FAM53A: variants seen among roughly 807,000 people sequenced by gnomAD.
FAM53A encodes protein FAM53A.
FAM53A carries 28 observed loss-of-function variants against 26.6 expected under a neutral mutation model. The ratio of observed to expected loss-of-function variants is 1.05; its 90% CI spans 0.78 to 1.45. The LOEUF is 1.45. FAM53A is among the 40% of genes most tolerant of loss of function. FAM53A has a pLI of 0.00. For synonymous variants in FAM53A, 290 were observed against 253.1 expected, an observed-to-expected ratio of 1.15 and a Z score of -1.38; for missense variants, 650 against 575.8, an observed-to-expected ratio of 1.13 and a Z score of -1.32.
intron 1 of FAM53A, among the ~76,000 whole-genome samples, chr4:1,627,223 CAGG>C (rs986757839): frequency 2.6e-5 from 4 of 152,200 alleles, no homozygotes; most frequent in African/African-American, 7.2e-5. Context: ...CCCAGCCCAG[CAGG>C]AGAAGGGAAC....
chr4:1,673,585 T>C (rs556958164), intron 1 of FAM53A, among the ~76,000 whole-genome samples: 102 of 152,058 alleles, frequency 6.7e-4, no homozygotes, highest in African/African-American at 2.4e-3. Flanking sequence ...ATATAAAAAT[T>C]AGCTGGGTGT....
At chr4:1,589,911 T>C in the FAM53A span, among the ~76,000 whole-genome samples, 2 of 152,244 alleles carry the variant, frequency 1.3e-5, no homozygotes, top group Non-Finnish European at 2.9e-5. Flanking sequence ...TTCTGCTTTT[T>C]CTTTATTTAC....
downstream of FAM53A, among the ~76,000 whole-genome samples, chr4:1,617,616 T>G (rs1186244903): frequency 6.6e-6 from 1 of 152,206 alleles, no homozygotes; most frequent in Non-Finnish European, 1.5e-5. Flanking sequence ...CTGCGCTCTT[T>G]CTTCCTTCCT....
rs144982861 is a variant in FAM53A, at chr4:1,648,120, G to C, written c.883-6513C>G. On this transcript the variant is annotated intron_variant, in intron 4 of 4. Transcript: ENST00000308132. Reference sequence around the variant, plus strand: ...GCTACTTAGGAGGCTGAGGTGGGAGGATCACCTGGGTCCAGGAGATGGAGA... The same window carrying C: ...GCTACTTAGGAGGCTGAGGTGGGAGCATCACCTGGGTCCAGGAGATGGAGA... Among the ~76,000 whole-genome samples, 38 of 152,260 alleles carry C rather than the reference G, an allele frequency of 2.5e-4. 1 individual carries two copies. The East Asian group carries it at 7.3e-3, about 29-fold the overall frequency.
chr4:1,652,063 CCA>C (rs1372640856), intron 4 of FAM53A, among the ~76,000 whole-genome samples: 1 of 130,646 alleles, frequency 7.7e-6, no homozygotes, highest in Admixed American at 7.8e-5. Context: ...CACACACACA[CCA>C]CATACACCAG....
At chr4:1,608,039 G>A in the FAM53A span, among the ~76,000 whole-genome samples, 5,187 of 152,292 alleles carry the variant, frequency 0.034, 157 homozygotes, top group Non-Finnish European at 0.053. Context: ...TTGAACCCGG[G>A]AGGCGGAGGT....
intron 4 of FAM53A, among the ~76,000 whole-genome samples, chr4:1,649,158 A>AGGGAAGGGGAAAGGGAAAGGGAAG (rs1712513251): frequency 1.2e-5 from 1 of 81,918 alleles, no homozygotes; most frequent in Non-Finnish European, 2.5e-5. Flanking sequence ...GGAAGGGGAA[A>AGGGAAGGGGAAAGGGAAAGGGAAG]GGGAAGGGGA....
chr4:1,684,199 G>A (rs1014085096), intron 1 of FAM53A, 34 bp downstream of exon 1: 1 of 151,706 alleles, frequency 6.6e-6, no homozygotes, highest in African/African-American at 2.4e-5. Context: ...CAAGAGAGGA[G>A]GGGGCGGCGG....
chr4:1,628,176 T>C (rs1715399935), intron 1 of FAM53A, among the ~76,000 whole-genome samples: 1 of 2,292 alleles, frequency 4.4e-4, no homozygotes, highest in African/African-American at 2.4e-3. Context: ...GAGGGTGGCA[T>C]AGGGGGAGGG....
In FAM53A at chr4:1,655,420, G is replaced by A. The variant is rs781417926; in HGVS notation, c.440C>T (p.Pro147Leu). The change falls in exon 4 of 5, where the codon CCA becomes CTA. Residue 147 changes from proline (P) to leucine (L), a missense_variant. By Grantham distance (98) the Pro-to-Leu change is moderately conservative (BLOSUM62 -3). Transcript: ENST00000308132. The stretch of plus-strand genomic sequence containing the variant: ...GCTGTCGCACCGCCTCTTGGAGACT[G>A]GAGTCCAGACCTTGGAGCTGCCGGG... ...WRPGSSKVWT[P>L]VSKRRCDSGG... The A allele has an allele frequency of 5.4e-6, 8 of 1,492,222 alleles. No homozygotes were observed. Among genetic ancestry groups the A allele is most frequent in the African/African-American group, 1.4e-5 (1 of 69,628 alleles). The allele number at this position is 1,492,222 out of a possible 1,614,324, so 92.4% of individuals were successfully genotyped here. A position where few individuals can be genotyped will look rare whatever the true frequency, so the allele number is the denominator to read the frequency against.
the FAM53A span, among the ~76,000 whole-genome samples, chr4:1,588,661 A>G: frequency 6.6e-6 from 1 of 152,236 alleles, no homozygotes; most frequent in Non-Finnish European, 1.5e-5. Context: ...CCTTCAGGTG[A>G]CTTCAGCTCC....
chr4:1,596,555 C>T, the FAM53A span, among the ~76,000 whole-genome samples: 6 of 152,202 alleles, frequency 3.9e-5, no homozygotes, highest in Non-Finnish European at 8.8e-5. Context: ...GGACACCACT[C>T]ATCTGCCCTC....
intron 4 of FAM53A, among the ~76,000 whole-genome samples, chr4:1,646,674 G>T (rs1239492802): frequency 6.6e-6 from 1 of 152,148 alleles, no homozygotes; most frequent in Admixed American, 6.5e-5. Flanking sequence ...AAACGCAGCG[G>T]GCCTGAAGGT....
In FAM53A at chr4:1,640,006, G is replaced by A. The variant is rs1236191188; in HGVS notation, c.*1287C>T. 1.3e-5 allele frequency: 2 copies of A among 152,266 alleles called. No individual in the cohort carries two copies. Among genetic ancestry groups the A allele is most frequent in the Non-Finnish European group, 2.9e-5 (2 of 68,054 alleles). 9.4% of individuals were successfully genotyped at this position (152,266 alleles called of 1,614,324 possible). A position where few individuals can be genotyped will look rare whatever the true frequency, so the allele number is the denominator to read the frequency against. ...CCAGAGACCAGAGGCCTGAGGCGCA[G>A]CCAGGCCCACTTCAGATGGTGGAAA... On this transcript the variant is annotated 3_prime_UTR_variant, in exon 5 of 5. Coordinates refer to ENST00000308132, the MANE Select transcript of FAM53A (RefSeq NM_001174070.3).
rs374067756 is a variant in FAM53A at position 1,657,040 on chromosome 4, T to A, written c.136+368A>T. On this transcript the variant is annotated intron_variant, in intron 3 of 4. Transcript: ENST00000308132. Reference sequence around the variant, plus strand: ...AGTGGGTGGGCCGCCCAGTATGCCATGGCACGCTCCAGCTGACGCTACAAG... The same window carrying A: ...AGTGGGTGGGCCGCCCAGTATGCCAAGGCACGCTCCAGCTGACGCTACAAG... Among the ~76,000 whole-genome samples, 233 of 152,326 alleles carry A rather than the reference T, an allele frequency of 1.5e-3. 2 individuals carry two copies. Among genetic ancestry groups the A allele is most frequent in the African/African-American group, 5.4e-3 (224 of 41,572 alleles).
chr4:1,651,110 G>A (rs904522039), intron 4 of FAM53A, among the ~76,000 whole-genome samples: 4 of 151,736 alleles, frequency 2.6e-5, no homozygotes, highest in Non-Finnish European at 4.4e-5. Context: ...CCAGCTACTC[G>A]GGAAGCTGAG....
intron 1 of FAM53A, among the ~76,000 whole-genome samples, chr4:1,679,483 C>T (rs1038255723): frequency 1.3e-5 from 2 of 150,312 alleles, no homozygotes; most frequent in East Asian, 2.0e-4. Context: ...GTCAGGAGTT[C>T]GAGACCAGCC....
chr4:1,617,539 A>T (rs1464856356), downstream of FAM53A, among the ~76,000 whole-genome samples: 1 of 152,140 alleles, frequency 6.6e-6, no homozygotes, highest in East Asian at 1.9e-4. Context: ...TTCTTCAACC[A>T]TCACACATAA....
downstream of FAM53A, among the ~76,000 whole-genome samples, chr4:1,637,153 G>A (rs182154400): frequency 7.6e-4 from 116 of 152,158 alleles, no homozygotes; most frequent in African/African-American, 2.6e-3. Flanking sequence ...GCTCTCAGCT[G>A]GGCTGGGCTG....
Sources: allele counts gnomAD v4.1 joint callset (sites outside exome capture counted in the v4.1 genomes callset), GRCh38; gene constraint gnomAD v4.1.1; transcripts MANE v1.5; gene names NCBI Gene and HGNC (gene_info 2026-07-23, HGNC 2026-07-21).